Variants in RAB31 observed in about 807,000 individuals in gnomAD.
RAB31 encodes ras-related protein Rab-31.
In RAB31, 21 loss-of-function variants were observed where a neutral mutation model predicts 25.6. The observed-to-expected ratio is 0.82, with a 90% CI of 0.58 to 1.18. The LOEUF (loss-of-function observed/expected upper bound fraction) is 1.18. Ranked by LOEUF, RAB31 falls within the 50% of genes most tolerant of loss-of-function variation. The pLI is 0.00. For missense variants in RAB31, 196 were observed against 250.1 expected, an observed-to-expected ratio of 0.78 and a Z score of 1.46; for synonymous variants, 87 against 84.0, an observed-to-expected ratio of 1.04 and a Z score of -0.20.
intron 5 of RAB31, chr18:9,830,488 G>A (rs1482815504): frequency 6.6e-6 from 1 of 152,082 alleles, no homozygotes; most frequent in Non-Finnish European, 1.5e-5. Flanking sequence ...ACCCCTTGGA[G>A]GTCACTATAT....
intron 2 of RAB31, among the ~76,000 whole-genome samples, chr18:9,778,158 C>T (rs112255162): frequency 7.4e-4 from 112 of 152,204 alleles, no homozygotes; most frequent in African/African-American, 1.4e-3. Flanking sequence ...GTATAGGCAT[C>T]GTAAATAGGG....
chr18:9,745,511 A>G (rs573465628), intron 1 of RAB31, among the ~76,000 whole-genome samples: 75 of 152,190 alleles, frequency 4.9e-4, no homozygotes, highest in South Asian at 2.1e-4. Flanking sequence ...AATATCCCTT[A>G]CAATATAGAA....
At chr18:9,721,292 T>C (rs8096128) in intron 1 of RAB31, among the ~76,000 whole-genome samples, 8,312 of 152,144 alleles carry the variant, frequency 0.055, 798 homozygotes, top group African/African-American at 0.19. Context: ...AAGGAGAAAA[T>C]AACCGATGTA....
chr18:9,729,442 G>A (rs1050863783), intron 1 of RAB31, among the ~76,000 whole-genome samples: 1 of 151,936 alleles, frequency 6.6e-6, no homozygotes, highest in South Asian at 2.1e-4. Context: ...CAGGAGAATG[G>A]CGTAAACCAG....
intron 3 of RAB31, among the ~76,000 whole-genome samples, chr18:9,808,291 T>C (rs76402990): frequency 0.08 from 12,236 of 152,166 alleles, 698 homozygotes; most frequent in East Asian, 0.22. Context: ...AATAGAAAGG[T>C]TTTTTGAATA....
In RAB31 at chr18:9,859,924, ACAC is replaced by A. The variant is rs1247681826; in HGVS notation, c.*603_*605del. The A allele has an allele frequency of 6.6e-6, 1 of 152,260 alleles. No individual in the cohort carries two copies. The highest frequency in any genetic ancestry group is 1.5e-5 in the Non-Finnish European group (1 of 68,054). The allele number at this position is 152,260 out of a possible 1,614,324, so 9.4% of individuals were successfully genotyped here. A position where few individuals can be genotyped will look rare whatever the true frequency, so the allele number is the denominator to read the frequency against. ...AAAAGTGTATTAGAAACTGTTGTCT[ACAC>A]CACTTTTAATTGGTGAACAATTTTT... On this transcript the variant is annotated 3_prime_UTR_variant, in exon 7 of 7. Coordinates refer to ENST00000578921, the MANE Select transcript of RAB31 (RefSeq NM_006868.4).
intron 1 of RAB31, among the ~76,000 whole-genome samples, chr18:9,746,336 A>G (rs1192454530): frequency 1.3e-5 from 2 of 152,242 alleles, no homozygotes; most frequent in African/African-American, 4.8e-5. Context: ...TAAGATGGCA[A>G]TACTACCCAA....
rs535487867 is a variant in RAB31, at chr18:9,733,105, G to A, written c.39+24661G>A. 6.6e-5 allele frequency among the ~76,000 whole-genome samples: 10 copies of A among 152,244 alleles called. 1 individual carries two copies. The highest frequency in any genetic ancestry group is 2.4e-4 in the African/African-American group (10 of 41,538). On this transcript the variant is annotated intron_variant, in intron 1 of 6. Coordinates refer to ENST00000578921, the MANE Select transcript of RAB31 (RefSeq NM_006868.4). ...CAGTTTCCACTGCGCACAGCACTTG[G>A]GTGTTTTCCATGCTATAAATCTTTA...
chr18:9,842,874 T>C (rs756482344), intron 5 of RAB31, among the ~76,000 whole-genome samples: 5 of 152,226 alleles, frequency 3.3e-5, no homozygotes, highest in Non-Finnish European at 7.3e-5. Flanking sequence ...GACTCACCTC[T>C]AGCCATGGAA....
chr18:9,744,182 A>G (rs921398573), intron 1 of RAB31, among the ~76,000 whole-genome samples: 18 of 152,368 alleles, frequency 1.2e-4, no homozygotes, highest in African/African-American at 4.3e-4. Context: ...GTGGAAAACT[A>G]TGCATTGTGT....
intron 3 of RAB31, among the ~76,000 whole-genome samples, chr18:9,803,218 T>G (rs2068522769): frequency 6.6e-6 from 1 of 151,008 alleles, no homozygotes; most frequent in African/African-American, 2.4e-5. Context: ...CACTGTGCTT[T>G]CTTTTCTTCT....
At chr18:9,714,967 C>T (rs76582246) in intron 1 of RAB31, among the ~76,000 whole-genome samples, 35 of 152,292 alleles carry the variant, frequency 2.3e-4, no homozygotes, top group Non-Finnish European at 4.4e-4. Context: ...GTTCTTGCTC[C>T]AGGTCTGTCT....
chr18:9,839,642 G>T (rs2068722539), intron 5 of RAB31, among the ~76,000 whole-genome samples: 1 of 152,140 alleles, frequency 6.6e-6, no homozygotes, highest in African/African-American at 2.4e-5. Context: ...GGTTGGTCGG[G>T]CTTTGACAAG....
intron 5 of RAB31, chr18:9,816,123 T>C (rs1448906540): frequency 2.1e-5 from 3 of 141,508 alleles, no homozygotes. Flanking sequence ...GTGTCATCCG[T>C]GTAGATGCTG....
chr18:9,782,619 G>A (rs1391161212), intron 2 of RAB31, among the ~76,000 whole-genome samples: 3 of 152,136 alleles, frequency 2.0e-5, no homozygotes, highest in Non-Finnish European at 2.9e-5. Flanking sequence ...AGATAATGAA[G>A]TCAGTTTATC....
At chr18:9,858,171 A>G (rs2068828760) in intron 6 of RAB31, among the ~76,000 whole-genome samples, 1 of 152,060 alleles carries the variant, frequency 6.6e-6, no homozygotes, top group Admixed American at 6.6e-5. Flanking sequence ...GGTGTAGATT[A>G]TAATCAAAGC....
intron 1 of RAB31, among the ~76,000 whole-genome samples, chr18:9,763,599 A>T (rs955526729): frequency 3.8e-5 from 3 of 79,738 alleles, no homozygotes; most frequent in Non-Finnish European, 5.5e-5. Flanking sequence ...AAAGAAAAAA[A>T]TTATATATAT....
chr18:9,774,486 T>C (rs1033062943), intron 1 of RAB31, among the ~76,000 whole-genome samples: 3 of 152,222 alleles, frequency 2.0e-5, no homozygotes, highest in African/African-American at 4.8e-5. Context: ...TTGGCTTCTC[T>C]CCCTGCCAGC....
chr18:9,832,707 A>T (rs976345944), intron 5 of RAB31, among the ~76,000 whole-genome samples: 12 of 152,178 alleles, frequency 7.9e-5, no homozygotes, highest in African/African-American at 2.9e-4. Flanking sequence ...GAATCAGGAC[A>T]TGGCAGTCCC....
Sources: gnomAD v4.1 joint callset for allele counts (sites outside exome capture counted in the v4.1 genomes callset) on GRCh38, gnomAD v4.1.1 for gene constraint, MANE v1.5 for transcripts, NCBI Gene and HGNC (gene_info 2026-07-23, HGNC 2026-07-21) for gene names.